ZBTB7C: variants seen among roughly 807,000 people sequenced by gnomAD.
ZBTB7C encodes the protein zinc finger and BTB domain containing 7C, also known as zinc finger and BTB domain-containing protein 7C.
A neutral mutation model predicts 25.7 loss-of-function variants in ZBTB7C; 8 were observed. That is an observed-to-expected ratio of 0.31 (90% confidence interval 0.18 to 0.56). The LOEUF (loss-of-function observed/expected upper bound fraction) is 0.56, where lower values mean the gene tolerates loss of function less well. Ranked by LOEUF, ZBTB7C falls within the 20% of genes least tolerant of loss-of-function variation. The pLI is 0.91. For synonymous variants in ZBTB7C, 394 were observed against 369.0 expected (o/e 1.07, Z -0.78); for missense variants, 824 against 855.2 (o/e 0.96, Z 0.46).
At chr18:48,166,229 C>G (rs560626370) in intron 3 of ZBTB7C, among the ~76,000 whole-genome samples, 3 of 152,150 alleles carry the variant, frequency 2.0e-5, no homozygotes, top group Non-Finnish European at 4.4e-5. Flanking sequence ...TAAGCAATAA[C>G]TTCCCAACGT....
At chr18:48,106,408 G>A (rs566228113) in intron 3 of ZBTB7C, among the ~76,000 whole-genome samples, 1 of 151,692 alleles carries the variant, frequency 6.6e-6, no homozygotes, top group Non-Finnish European at 1.5e-5. Context: ...ATACAGGCTA[G>A]GGGCAGCTGT....
intron 1 of ZBTB7C, among the ~76,000 whole-genome samples, chr18:48,408,045 T>C (rs1298444056): frequency 6.6e-6 from 1 of 152,128 alleles, no homozygotes; most frequent in African/African-American, 2.4e-5. Context: ...CCCTTCCCAC[T>C]CCCACTCCTC....
chr18:48,303,313 C>T (rs2045588824), intron 2 of ZBTB7C, among the ~76,000 whole-genome samples: 1 of 152,242 alleles, frequency 6.6e-6, no homozygotes, highest in South Asian at 2.1e-4. Context: ...ATCACCAAGG[C>T]TCCCCAACCT....
intron 1 of ZBTB7C, among the ~76,000 whole-genome samples, chr18:48,405,184 T>A (rs73437435): frequency 0.044 from 6,578 of 149,248 alleles, 457 homozygotes; most frequent in African/African-American, 0.15. Flanking sequence ...ACTGATGGCA[T>A]GGCAGGTACT....
At chr18:48,129,351 C>CA (rs11287872) in intron 3 of ZBTB7C, among the ~76,000 whole-genome samples, 5,692 of 74,100 alleles carry the variant, frequency 0.077, 332 homozygotes, top group African/African-American at 0.17. Context: ...AGAGAAAGTC[C>CA]AAAAAAAAAA....
chr18:48,346,151 C>A (rs2046725119), intron 1 of ZBTB7C, among the ~76,000 whole-genome samples: 1 of 152,108 alleles, frequency 6.6e-6, no homozygotes, highest in Admixed American at 6.5e-5. Context: ...GTCTCAAACT[C>A]CTGACCTCAA....
At chr18:48,391,492 A>G (rs1381928658) in intron 1 of ZBTB7C, among the ~76,000 whole-genome samples, 1 of 151,846 alleles carries the variant, frequency 6.6e-6, no homozygotes, top group Non-Finnish European at 1.5e-5. Flanking sequence ...TATGCAAGTC[A>G]GTCAACTATA....
At chr18:48,381,954 T>C (rs2047642370) in intron 1 of ZBTB7C, among the ~76,000 whole-genome samples, 1 of 152,254 alleles carries the variant, frequency 6.6e-6, no homozygotes, top group South Asian at 2.1e-4. Flanking sequence ...CCAGGCTCAA[T>C]GTCAATTGCA....
At chr18:48,389,293 A>G (rs1269552049) in intron 1 of ZBTB7C, among the ~76,000 whole-genome samples, 1 of 111,466 alleles carries the variant, frequency 9.0e-6, no homozygotes, top group African/African-American at 3.6e-5. Flanking sequence ...CCTTGTGAGC[A>G]CCTGAGGGTC....
intron 3 of ZBTB7C, among the ~76,000 whole-genome samples, chr18:48,178,209 T>C (rs2041749918): frequency 6.6e-6 from 1 of 152,192 alleles, no homozygotes; most frequent in African/African-American, 2.4e-5. Context: ...TGCCCCTGAC[T>C]CATGCGGACC....
intron 1 of ZBTB7C, among the ~76,000 whole-genome samples, chr18:48,356,562 G>A (rs781781955): frequency 6.6e-6 from 1 of 152,168 alleles, no homozygotes; most frequent in Non-Finnish European, 1.5e-5. Context: ...CCTTTTCACA[G>A]TCTGCCCAGG....
At chr18:48,057,934 A>G (rs1045442635) in intron 3 of ZBTB7C, among the ~76,000 whole-genome samples, 21 of 152,168 alleles carry the variant, frequency 1.4e-4, no homozygotes, top group African/African-American at 4.8e-4. Flanking sequence ...GCACCTGTCT[A>G]CTGCACGGTA....
chr18:48,204,505 G>A (rs892451563), intron 2 of ZBTB7C, among the ~76,000 whole-genome samples: 1 of 152,156 alleles, frequency 6.6e-6, no homozygotes, highest in African/African-American at 2.4e-5. Flanking sequence ...AGGTTGGAAA[G>A]CCTGATAGCT....
chr18:48,044,822 G>T (rs973162062), intron 3 of ZBTB7C, among the ~76,000 whole-genome samples: 8 of 152,260 alleles, frequency 5.3e-5, no homozygotes, highest in African/African-American at 1.7e-4. Context: ...AGTCAGGACT[G>T]CCATCTGCCC....
At chr18:48,241,297 G>A (rs1246456899) in intron 2 of ZBTB7C, among the ~76,000 whole-genome samples, 1 of 152,146 alleles carries the variant, frequency 6.6e-6, no homozygotes, top group African/African-American at 2.4e-5. Context: ...AGGTCTTCAA[G>A]ACAGAAAGTC....
At chr18:48,292,270 A>G (rs2045253011) in intron 2 of ZBTB7C, among the ~76,000 whole-genome samples, 1 of 152,174 alleles carries the variant, frequency 6.6e-6, no homozygotes, top group African/African-American at 2.4e-5. Context: ...AAGAATGTCC[A>G]TAATTCCTCG....
Position 48,314,986 on chromosome 18 carries a change from G to T in ZBTB7C, c.-79+23188C>A, listed in dbSNP as rs986841264. On this transcript the variant is annotated intron_variant, in intron 2 of 4. Transcript: ENST00000590800. Reference sequence around the variant, plus strand: ...TGCACAGCCCCTTCGGATGAAAGGAGCCCTCTGCAGAGGGCATGGTGACCA... The same window carrying T: ...TGCACAGCCCCTTCGGATGAAAGGATCCCTCTGCAGAGGGCATGGTGACCA... 3.9e-5 allele frequency among the ~76,000 whole-genome samples: 6 copies of T among 152,254 alleles called. No homozygotes were observed. The East Asian group carries it at 1.2e-3, about 29-fold the overall frequency.
intron 4 of ZBTB7C, among the ~76,000 whole-genome samples, chr18:48,038,339 T>C (rs34189778): frequency 2.6e-5 from 4 of 151,994 alleles, no homozygotes; most frequent in Non-Finnish European, 4.4e-5. Flanking sequence ...TGTCTGGGGT[T>C]CCCCTCACAG....
intron 3 of ZBTB7C, among the ~76,000 whole-genome samples, chr18:48,160,839 A>G (rs1047916000): frequency 6.6e-6 from 1 of 151,660 alleles, no homozygotes; most frequent in Non-Finnish European, 1.5e-5. Flanking sequence ...TTGATGTGAT[A>G]TGAGGGATCC....
Sources: allele counts gnomAD v4.1 joint callset (sites outside exome capture counted in the v4.1 genomes callset), GRCh38; gene constraint gnomAD v4.1.1; transcripts MANE v1.5; gene names NCBI Gene and HGNC (gene_info 2026-07-23, HGNC 2026-07-21).